ADAMTS20: variants seen among roughly 807,000 people sequenced by gnomAD.
ADAMTS20 encodes the protein ADAM metallopeptidase with thrombospondin type 1 motif 20.
In ADAMTS20, 225 loss-of-function variants were observed where a neutral mutation model predicts 260.1. The observed-to-expected ratio is 0.87, with a 90% CI of 0.78 to 0.97. The LOEUF (loss-of-function observed/expected upper bound fraction) is 0.97, where lower values mean the gene tolerates loss of function less well. Among genes scored for constraint, ADAMTS20 ranks in the 50% least tolerant of loss-of-function variants. ADAMTS20 has a pLI of 0.00. For synonymous variants in ADAMTS20, 802 were observed against 769.5 expected, an observed-to-expected ratio of 1.04 and a Z score of -0.70; for missense variants, 2,400 against 2,337.7, an observed-to-expected ratio of 1.03 and a Z score of -0.55.
intron 28 of ADAMTS20, among the ~76,000 whole-genome samples, chr12:43,409,328 C>G (rs1363423812): frequency 1.3e-5 from 2 of 151,830 alleles, no homozygotes; most frequent in African/African-American, 2.4e-5. Flanking sequence ...TTAGGCCAGG[C>G]GCGGTGGCTC....
Position 43,452,294 on chromosome 12 carries a change from A to T in ADAMTS20, c.2059T>A (p.Cys687Ser). The change falls in exon 14 of 39, where the codon TGT becomes AGT. Residue 687 changes from cysteine to serine, a missense_variant. By Grantham distance (112) the Cys-to-Ser change is moderately radical (BLOSUM62 -1). Transcript: ENST00000389420. ...TPCGTETHDI[C>S]VQGQCMAAGC... ...CTTACCATACACTGGCCTTGAACAC[A>T]GATGTCATGAGTTTCAGTTCCACAA... is the stretch of plus-strand genomic sequence containing the variant. 1.2e-6 allele frequency: 2 copies of T among 1,612,000 alleles called. No homozygotes were observed. Among genetic ancestry groups the T allele is most frequent in the Non-Finnish European group, 1.7e-6 (2 of 1,179,090 alleles).
At chr12:43,530,373 G>C (rs148209539) in intron 3 of ADAMTS20, among the ~76,000 whole-genome samples, 22 of 152,224 alleles carry the variant, frequency 1.4e-4, no homozygotes, top group Non-Finnish European at 2.1e-4. Context: ...TTCTATTGTG[G>C]AACTGTACCC....
At chr12:43,540,003 C>G (rs1432773986) in intron 2 of ADAMTS20, among the ~76,000 whole-genome samples, 2 of 152,094 alleles carry the variant, frequency 1.3e-5, no homozygotes, top group Admixed American at 6.6e-5. Context: ...CTGCCTTAGC[C>G]TCCCAAGTAG....
intron 15 of ADAMTS20, among the ~76,000 whole-genome samples, chr12:43,444,729 T>G (rs1168268717): frequency 1.3e-5 from 2 of 152,200 alleles, no homozygotes; most frequent in Non-Finnish European, 2.9e-5. Context: ...TTTTCCTTAT[T>G]TATTAGGATT....
intron 7 of ADAMTS20, among the ~76,000 whole-genome samples, chr12:43,479,745 A>G (rs1396568730): frequency 6.6e-6 from 1 of 152,150 alleles, no homozygotes; most frequent in Non-Finnish European, 1.5e-5. Context: ...GAAATCCTGG[A>G]CATTAATCAG....
intron 9 of ADAMTS20, 77 bp from the exon 10 acceptor site, chr12:43,464,809 G>A: frequency 2.8e-6 from 4 of 1,445,742 alleles, no homozygotes; most frequent in Non-Finnish European, 3.7e-6. Context: ...CACATTTTTT[G>A]TAGTTCTTTA....
At chr12:43,371,786 G>A (rs1940113854) in intron 36 of ADAMTS20, among the ~76,000 whole-genome samples, 1 of 152,048 alleles carries the variant, frequency 6.6e-6, no homozygotes, top group Non-Finnish European at 1.5e-5. Flanking sequence ...GAATAGAGGT[G>A]GAAAGGTCAT....
intron 9 of ADAMTS20, 62 bp from the exon 10 acceptor site, chr12:43,464,794 T>C: frequency 6.7e-7 from 1 of 1,498,436 alleles, no homozygotes; most frequent in South Asian, 1.3e-5. Flanking sequence ...AGTATGATTC[T>C]TTATCACATT....
At chr12:43,384,096 A>G in intron 29 of ADAMTS20, 119 bp from the exon 30 acceptor site, 2 of 939,142 alleles carry the variant, frequency 2.1e-6, no homozygotes, top group Non-Finnish European at 3.0e-6. Flanking sequence ...TAAAACATGA[A>G]TTAGATAAAA....
intron 29 of ADAMTS20, among the ~76,000 whole-genome samples, chr12:43,394,834 G>A (rs1243785016): frequency 1.3e-5 from 2 of 152,054 alleles, no homozygotes. Context: ...ACCTACACAA[G>A]CTTCTTAACC....
At chr12:43,538,115 A>G (rs764392055) in intron 2 of ADAMTS20, among the ~76,000 whole-genome samples, 1 of 152,220 alleles carries the variant, frequency 6.6e-6, no homozygotes, top group Non-Finnish European at 1.5e-5. Flanking sequence ...TAATGGTTGC[A>G]CTAATTTACA....
At chr12:43,499,289 C>G (rs1431183101) in intron 4 of ADAMTS20, among the ~76,000 whole-genome samples, 1 of 152,150 alleles carries the variant, frequency 6.6e-6, no homozygotes, top group Non-Finnish European at 1.5e-5. Flanking sequence ...TCTCTTTCTA[C>G]TAGGCCTAAA....
intron 7 of ADAMTS20, among the ~76,000 whole-genome samples, chr12:43,470,352 T>A (rs1942232245): frequency 6.6e-6 from 1 of 152,214 alleles, no homozygotes; most frequent in Non-Finnish European, 1.5e-5. Context: ...AACTTTATGT[T>A]TCATGCTTAA....
chr12:43,439,097 A>T (rs898027531), intron 18 of ADAMTS20, among the ~76,000 whole-genome samples: 1 of 152,012 alleles, frequency 6.6e-6, no homozygotes, highest in East Asian at 1.9e-4. Context: ...TTTTTTCCCT[A>T]CTATAAATTG....
At chr12:43,352,831 A>T (rs1178876856), downstream of ADAMTS20, among the ~76,000 whole-genome samples, 2 of 152,180 alleles carry the variant, frequency 1.3e-5, no homozygotes, top group Non-Finnish European at 1.5e-5. Flanking sequence ...ACATGAAAAG[A>T]TTCCTGGAAA....
chr12:43,549,617 A>G (rs1196316819), intron 2 of ADAMTS20, among the ~76,000 whole-genome samples: 1 of 152,178 alleles, frequency 6.6e-6, no homozygotes, highest in Non-Finnish European at 1.5e-5. Flanking sequence ...AGGATTTTCC[A>G]GACAAACTAA....
chr12:43,354,486 G>A (rs2137174274), intron 38 of ADAMTS20, among the ~76,000 whole-genome samples, 188 bp from the exon 39 acceptor site: 1 of 152,228 alleles, frequency 6.6e-6, no homozygotes, highest in East Asian at 1.9e-4. Context: ...ACATGGGAAA[G>A]TTAAAGGATA....
At chr12:43,527,037 A>G (rs1414812900) in intron 3 of ADAMTS20, among the ~76,000 whole-genome samples, 1 of 152,202 alleles carries the variant, frequency 6.6e-6, no homozygotes, top group Non-Finnish European at 1.5e-5. Flanking sequence ...AAATACAAAG[A>G]TCATTCAATA....
rs558160917 is a variant in ADAMTS20 at position 43,531,708 on chromosome 12, G to A, written c.613+328C>T. Among the ~76,000 whole-genome samples, 206 of 152,152 alleles carry A rather than the reference G, an allele frequency of 1.4e-3. 1 individual carries two copies. The highest frequency in any genetic ancestry group is 2.2e-3 in the Non-Finnish European group (150 of 67,972). On this transcript the variant is annotated intron_variant, in intron 3 of 38. Transcript: ENST00000389420. ...CATACAAGGAATAGGCTACTGTACT[G>A]TACATGGTGACTATAGTTAATAACA...
Sources: allele counts gnomAD v4.1 joint callset (sites outside exome capture counted in the v4.1 genomes callset), GRCh38; gene constraint gnomAD v4.1.1; transcripts MANE v1.5; gene names NCBI Gene and HGNC (gene_info 2026-07-23, HGNC 2026-07-21).